The following THAP5 variants were observed in gnomAD, a reference collection of about 807,000 sequenced individuals.
THAP5 encodes THAP domain containing 5.
THAP5 carries 26 observed loss-of-function variants against 34.0 expected under a neutral mutation model. That is an observed-to-expected ratio of 0.77 (90% CI 0.56 to 1.06). THAP5 has a LOEUF of 1.06. Ranked by LOEUF, THAP5 falls within the 50% of genes least tolerant of loss-of-function variation. The probability of loss-of-function intolerance (pLI) is 0.00; values close to 1 mark genes in which losing one functional copy is unlikely to be tolerated. For synonymous variants in THAP5, 125 were observed against 153.0 expected (o/e 0.82, Z 1.35); for missense variants, 394 against 452.8 (o/e 0.87, Z 1.18).
intron 1 of THAP5, among the ~76,000 whole-genome samples, chr7:108,555,454 C>T (rs1258180595): frequency 2.6e-5 from 4 of 152,052 alleles, no homozygotes; most frequent in Non-Finnish European, 4.4e-5. Context: ...AGGCGTGAGC[C>T]ATTGTGCCCG....
chr7:108,561,239 A>G (rs975838510), downstream of THAP5, among the ~76,000 whole-genome samples: 5 of 150,912 alleles, frequency 3.3e-5, no homozygotes, highest in Admixed American at 3.3e-4. Context: ...TGAGAATGAA[A>G]CACATTCTAA....
the THAP5 span, among the ~76,000 whole-genome samples, chr7:108,546,973 A>G: frequency 1.3e-5 from 2 of 152,146 alleles, no homozygotes; most frequent in Non-Finnish European, 2.9e-5. Flanking sequence ...GTGTTTTATC[A>G]TTTCCCAAAT....
At chr7:108,541,818 T>G in the THAP5 span, among the ~76,000 whole-genome samples, 1 of 150,818 alleles carries the variant, frequency 6.6e-6, no homozygotes, top group Non-Finnish European at 1.5e-5. Context: ...GCAAATCCCC[T>G]GTTGCAGGTT....
chr7:108,550,681 C>G (rs1864347929), downstream of THAP5, among the ~76,000 whole-genome samples: 1 of 152,218 alleles, frequency 6.6e-6, no homozygotes, highest in Admixed American at 6.5e-5. Flanking sequence ...CTACTTTCTT[C>G]TGTGTCCTCA....
At chr7:108,552,275 A>G (rs1164026489), downstream of THAP5, among the ~76,000 whole-genome samples, 1 of 151,876 alleles carries the variant, frequency 6.6e-6, no homozygotes, top group Non-Finnish European at 1.5e-5. Flanking sequence ...TTTTTTTTAC[A>G]TGCCTTAAGC....
the THAP5 span, among the ~76,000 whole-genome samples, chr7:108,545,551 C>T: frequency 6.6e-6 from 1 of 152,030 alleles, no homozygotes; most frequent in Non-Finnish European, 1.5e-5. Context: ...GAATAAAATC[C>T]TAATCAAGAG....
chr7:108,560,728 G>A (rs1864421316), downstream of THAP5, among the ~76,000 whole-genome samples: 1 of 152,086 alleles, frequency 6.6e-6, no homozygotes, highest in Admixed American at 6.6e-5. Context: ...ATTACTATGG[G>A]GCACAACTGT....
downstream of THAP5, among the ~76,000 whole-genome samples, chr7:108,558,186 G>A (rs545812273): frequency 2.6e-5 from 4 of 151,824 alleles, no homozygotes; most frequent in South Asian, 8.3e-4. Context: ...TGAGATTTGG[G>A]TGGAGTCAGA....
the THAP5 span, among the ~76,000 whole-genome samples, chr7:108,545,631 T>C: frequency 6.6e-6 from 1 of 152,230 alleles, no homozygotes; most frequent in African/African-American, 2.4e-5. Flanking sequence ...AGTCTTGACT[T>C]AAAAATTCAA....
downstream of THAP5, among the ~76,000 whole-genome samples, chr7:108,561,268 A>ATT (rs34702798): frequency 0.2 from 29,917 of 148,026 alleles, 3,644 homozygotes; most frequent in East Asian, 0.52. Context: ...ACAACATACC[A>ATT]TTTTTTTTTT....
At position 108,569,438 on chromosome 7, in the gene THAP5, A is replaced by C. The variant is rs917030386; in HGVS notation, c.80+52T>G. On this transcript the variant is annotated intron_variant, in intron 1 of 2. Coordinates refer to ENST00000415914, the MANE Select transcript of THAP5 (RefSeq NM_001130475.3). The stretch of plus-strand genomic sequence containing the variant: ...GGAGACACCCAAGCCCAAAGGCCAC[A>C]GGTCCAAGGCCTCACGGCGAGGCTG... 12 of 1,550,660 alleles carry C rather than the reference A, an allele frequency of 7.7e-6. No individual in the cohort carries two copies. The African/African-American group carries it at 1.6e-4, about 21-fold the overall frequency.
rs1790454437 is a variant in THAP5, at chr7:108,564,969, T to TG, written c.409dup (p.His137ProfsTer26). ...TGAATGAAGTAATTCTGGATGTTGA[T>TG]GGGGCACATCTGTGTTAACTATATT... is the stretch of plus-strand genomic sequence containing the variant. On this transcript the variant is annotated frameshift_variant, in exon 3 of 3. Transcript: ENST00000415914. LOFTEE classifies it high-confidence loss of function. 1 of 1,557,250 alleles carries TG rather than the reference T, an allele frequency of 6.4e-7. No individual in the cohort carries two copies. Among genetic ancestry groups the TG allele is most frequent in the Non-Finnish European group, 8.7e-7 (1 of 1,148,872 alleles).
downstream of THAP5, among the ~76,000 whole-genome samples, chr7:108,559,098 G>A (rs1397384581): frequency 6.6e-6 from 1 of 152,122 alleles, no homozygotes; most frequent in African/African-American, 2.4e-5. Context: ...TGCTTAAAGG[G>A]GGAACAAAAC....
downstream of THAP5, among the ~76,000 whole-genome samples, chr7:108,560,836 C>A (rs917063373): frequency 6.6e-6 from 1 of 151,970 alleles, no homozygotes; most frequent in Non-Finnish European, 1.5e-5. Context: ...GACCTAGGCT[C>A]AAGAGATCCT....
chr7:108,543,212 C>T, the THAP5 span, among the ~76,000 whole-genome samples: 1 of 152,156 alleles, frequency 6.6e-6, no homozygotes, highest in South Asian at 2.1e-4. Flanking sequence ...CCTGTGTGAG[C>T]CACTGTGCCC....
downstream of THAP5, among the ~76,000 whole-genome samples, chr7:108,553,328 G>A (rs1362781435): frequency 1.3e-5 from 2 of 152,076 alleles, no homozygotes; most frequent in Non-Finnish European, 2.9e-5. Flanking sequence ...CAGGCACTGA[G>A]CCAGTGTACC....
Position 108,565,831 on chromosome 7 carries a change from T to C in THAP5, c.272A>G (p.Gln91Arg). ...PTIFSLPEDN[Q>R]GKDPSKKKSQ... ...TACCCCTCTCCCATACTGCAATACC[T>C]GATTGTCTTCAGGCAAAGAAAATAT... Residue 91 changes from glutamine to arginine, a missense_variant and splice_region_variant, in exon 2 of 3, where the codon CAG becomes CGG. Transcript: ENST00000415914. 1.3e-6 allele frequency: 2 copies of C among 1,542,454 alleles called. No individual in the cohort carries two copies. The highest frequency in any genetic ancestry group is 1.7e-6 in the Non-Finnish European group (2 of 1,143,710).
chr7:108,569,712 C>T, upstream of THAP5: 1 of 1,097,782 alleles, frequency 9.1e-7, no homozygotes, highest in South Asian at 1.4e-5. Flanking sequence ...CGTCTGTCGA[C>T]TCACTTCCGC....
At chr7:108,544,950 C>G in the THAP5 span, among the ~76,000 whole-genome samples, 1 of 152,090 alleles carries the variant, frequency 6.6e-6, no homozygotes, top group South Asian at 2.1e-4. Flanking sequence ...TACGCCTGGC[C>G]TAGATTCTCT....
Sources: allele counts gnomAD v4.1 joint callset (sites outside exome capture counted in the v4.1 genomes callset), GRCh38; gene constraint gnomAD v4.1.1; transcripts MANE v1.5; gene names NCBI Gene and HGNC (gene_info 2026-07-23, HGNC 2026-07-21).